Variants in TNS1 observed in about 807,000 individuals in gnomAD.
The protein encoded by TNS1 is tensin 1.
In TNS1, 62 loss-of-function variants were observed where a neutral mutation model predicts 168.6. That is an observed-to-expected ratio of 0.37 (90% confidence interval 0.30 to 0.45). TNS1 has a LOEUF of 0.45. TNS1 is among the 20% of genes least tolerant of loss of function. The pLI, the probability that TNS1 is intolerant of heterozygous loss-of-function variation, is 1.00. For missense variants in TNS1, 2,240 were observed against 2,339.4 expected (o/e 0.96, Z 0.88); for synonymous variants, 934 against 933.2 (o/e 1.00, Z -0.02).
chr2:217,978,733 C>A, intron 3 of TNS1, 32 bp downstream of exon 3: 2 of 701,838 alleles, frequency 2.8e-6, no homozygotes, highest in South Asian at 3.0e-5. Context: ...TGTCCCAAGT[C>A]CTCCCGGGCC....
chr2:217,907,148 C>T, intron 5 of TNS1, 62 bp downstream of exon 5: 1 of 701,136 alleles, frequency 1.4e-6, no homozygotes, highest in South Asian at 1.5e-5. Context: ...CTCTCCACTT[C>T]CAGCCTTCTC....
At chr2:217,911,986 G>A (rs182422152) in intron 4 of TNS1, among the ~76,000 whole-genome samples, 10 of 152,332 alleles carry the variant, frequency 6.6e-5, no homozygotes, top group East Asian at 3.9e-4. Context: ...TCCTGAATTC[G>A]AGGGGTCGGG....
intron 1 of TNS1, among the ~76,000 whole-genome samples, chr2:218,019,511 G>C (rs556702842): frequency 8.5e-5 from 13 of 152,160 alleles, no homozygotes; most frequent in Non-Finnish European, 1.6e-4. Flanking sequence ...TTCCCTCCAG[G>C]CTTGGGCACC....
At chr2:217,966,642 C>T (rs1957649689) in intron 3 of TNS1, among the ~76,000 whole-genome samples, 1 of 152,204 alleles carries the variant, frequency 6.6e-6, no homozygotes, top group African/African-American at 2.4e-5. Context: ...CTGAGTCAAA[C>T]TTGACAGGGC....
At chr2:217,980,502 CACACAGAG>C (rs1440610019) in intron 2 of TNS1, among the ~76,000 whole-genome samples, 65 of 117,978 alleles carry the variant, frequency 5.5e-4, no homozygotes, top group African/African-American at 2.3e-3. Flanking sequence ...CTCCTACACA[CACACAGAG>C]AGAGAGAGAG....
intron 24 of TNS1, among the ~76,000 whole-genome samples, chr2:217,815,878 A>T (rs1333986615): frequency 6.6e-6 from 1 of 152,160 alleles, no homozygotes; most frequent in Admixed American, 6.5e-5. Context: ...AGAACAAAAA[A>T]AAAATCACTT....
intron 1 of TNS1, among the ~76,000 whole-genome samples, chr2:217,999,009 G>T (rs551537432): frequency 6.6e-6 from 1 of 152,288 alleles, no homozygotes; most frequent in Non-Finnish European, 1.5e-5. Flanking sequence ...GGAAAGCTGC[G>T]TGGGGGGTGT....
chr2:217,810,363 A>G, intron 28 of TNS1, 44 bp from the exon 29 acceptor site: 2 of 1,600,962 alleles, frequency 1.2e-6, no homozygotes, highest in Non-Finnish European at 8.6e-7. Flanking sequence ...AGAGCTGGAA[A>G]GAAGCACAAG....
chr2:217,922,011 C>T (rs367790872), intron 3 of TNS1, among the ~76,000 whole-genome samples: 7 of 152,154 alleles, frequency 4.6e-5, no homozygotes, highest in African/African-American at 1.4e-4. Context: ...GCCCCAATTT[C>T]GGAAGAATGA....
intron 18 of TNS1, chr2:217,850,358 G>A: frequency 1.0e-6 from 1 of 985,318 alleles, no homozygotes; most frequent in African/African-American, 1.7e-5. Context: ...AGCGTCTTAG[G>A]GATCGTGAAC....
At position 217,821,350 on chromosome 2, in the gene TNS1, G is replaced by A. The variant is rs73074323; in HGVS notation, c.3572+390C>T. Reference sequence around the variant, plus strand: ...AGTGCTCACCTCCTAGGATTGCTGCGAGGATTAAATAACTGCATAAAGCAC... The same window carrying A: ...AGTGCTCACCTCCTAGGATTGCTGCAAGGATTAAATAACTGCATAAAGCAC... On this transcript the variant is annotated intron_variant, in intron 23 of 32. Coordinates refer to ENST00000682258, the MANE Select transcript of TNS1 (RefSeq NM_001387777.1). 8.4e-3 allele frequency among the ~76,000 whole-genome samples: 1,279 copies of A among 152,234 alleles called. 14 individuals are homozygous for A. Among genetic ancestry groups the A allele is most frequent in the African/African-American group, 0.027 (1,131 of 41,536 alleles).
intron 1 of TNS1, among the ~76,000 whole-genome samples, chr2:218,031,329 ATG>A (rs1958896603): frequency 1.4e-4 from 19 of 132,106 alleles, no homozygotes; most frequent in Admixed American, 1.2e-3. Flanking sequence ...GTGTGTGAGC[ATG>A]TCTGTGTGTG....
At chr2:217,849,866 A>G (rs1668414792) in intron 18 of TNS1, 20 of 985,322 alleles carry the variant, frequency 2.0e-5, no homozygotes, top group Non-Finnish European at 2.4e-5. Flanking sequence ...ACCATGCCCA[A>G]GGTGGTGGTG....
At chr2:217,916,066 T>C (rs895344398) in intron 4 of TNS1, among the ~76,000 whole-genome samples, 5 of 152,230 alleles carry the variant, frequency 3.3e-5, no homozygotes, top group African/African-American at 1.2e-4. Flanking sequence ...ATTGGGATCA[T>C]CACAGCACCT....
intron 3 of TNS1, among the ~76,000 whole-genome samples, chr2:217,951,460 A>G (rs2125978832): frequency 6.6e-6 from 1 of 152,286 alleles, no homozygotes; most frequent in East Asian, 1.9e-4. Context: ...TTGGGTATTG[A>G]CCTTTATGAA....
At chr2:217,992,409 CT>C (rs1958391053) in intron 1 of TNS1, 2 of 152,398 alleles carry the variant, frequency 1.3e-5, no homozygotes, top group East Asian at 3.9e-4. Flanking sequence ...CCAGAGCCCC[CT>C]GGGTCTGAAA....
chr2:217,805,454 TCA>T, intron 32 of TNS1, among the ~76,000 whole-genome samples: 1 of 38,418 alleles, frequency 2.6e-5, no homozygotes. Context: ...ATACACACCA[TCA>T]CACACACCAC....
chr2:217,999,043 T>C (rs1404385415), intron 1 of TNS1, among the ~76,000 whole-genome samples: 1 of 152,148 alleles, frequency 6.6e-6, no homozygotes, highest in African/African-American at 2.4e-5. Context: ...AATGATGGGA[T>C]GCTTCTTCCA....
At chr2:217,895,106 C>T (rs773945233) in intron 8 of TNS1, 50 bp from the exon 9 acceptor site, 28 of 1,552,686 alleles carry the variant, frequency 1.8e-5, no homozygotes, top group East Asian at 2.3e-5. Flanking sequence ...GTGAGGAGGG[C>T]GGCGAGGAGA....
Sources: allele counts gnomAD v4.1 joint callset (sites outside exome capture counted in the v4.1 genomes callset), GRCh38; gene constraint gnomAD v4.1.1; transcripts MANE v1.5; gene names NCBI Gene and HGNC (gene_info 2026-07-23, HGNC 2026-07-21).